FANCM: variants seen among roughly 807,000 people sequenced by gnomAD.
FANCM encodes the protein FA complementation group M.
FANCM carries 140 observed loss-of-function variants against 199.5 expected under a neutral mutation model. That is an observed-to-expected ratio of 0.70 (90% CI 0.61 to 0.81). The LOEUF (loss-of-function observed/expected upper bound fraction) is 0.81. Ranked by LOEUF, FANCM falls within the 30% of genes least tolerant of loss-of-function variation. The pLI is 0.00. For synonymous variants in FANCM, 840 were observed against 836.8 expected (o/e 1.00, Z -0.07); for missense variants, 2,410 against 2,421.4 (o/e 1.00, Z 0.10).
chr14:45,185,042 A>G (rs1347942323), intron 17 of FANCM, among the ~76,000 whole-genome samples, 175 bp from the exon 18 acceptor site: 3 of 151,736 alleles, frequency 2.0e-5, no homozygotes, highest in African/African-American at 7.3e-5. Context: ...TCGGCCTCCC[A>G]TAGTGCTGGG....
chr14:45,197,712 G>A (rs1890140313), intron 21 of FANCM, among the ~76,000 whole-genome samples: 1 of 151,248 alleles, frequency 6.6e-6, no homozygotes, highest in Admixed American at 6.6e-5. Context: ...TGATCTGCCT[G>A]CCTCAGCCTT....
At chr14:45,144,639 G>C (rs189220058) in intron 3 of FANCM, among the ~76,000 whole-genome samples, 11 of 152,316 alleles carry the variant, frequency 7.2e-5, no homozygotes, top group Admixed American at 1.3e-4. Context: ...CCCATGAGGT[G>C]TACTGCCAGT....
Position 45,189,349 on chromosome 14 carries a change from C to T in FANCM, c.5327C>T (p.Pro1776Leu), listed in dbSNP as rs1889622469. ...VDSQKDCRKF[P>L]VPQKDGSALE... ...TCACAGAAAGACTGTAGAAAATTTC[C>T]AGTTCCACAGAAGGTATGGATCAAA... Residue 1776 changes from proline (P) to leucine (L), a missense_variant, in exon 20 of 23, where the codon CCA becomes CTA. Physicochemically the swap from Pro to Leu is moderately conservative, Grantham distance 98. Coordinates refer to ENST00000267430, the MANE Select transcript of FANCM (RefSeq NM_020937.4). The T allele has an allele frequency of 1.2e-6, 2 of 1,610,548 alleles. No individual in the cohort carries two copies. The highest frequency in any genetic ancestry group is 1.7e-6 in the Non-Finnish European group (2 of 1,176,842).
At chr14:45,141,287 C>CAAAA (rs534567010) in intron 3 of FANCM, among the ~76,000 whole-genome samples, 31 of 43,846 alleles carry the variant, frequency 7.1e-4, no homozygotes, top group Non-Finnish European at 1.0e-3. Context: ...GGCTCCGTCT[C>CAAAA]AAAAAAAAAA....
intron 14 of FANCM, among the ~76,000 whole-genome samples, chr14:45,178,898 T>G (rs1174155957): frequency 6.6e-6 from 1 of 152,064 alleles, no homozygotes; most frequent in African/African-American, 2.4e-5. Context: ...TGTGAGGAGC[T>G]TCTTTAAAAA....
intron 12 of FANCM, among the ~76,000 whole-genome samples, chr14:45,170,975 A>T (rs1233034846): frequency 6.6e-6 from 1 of 152,164 alleles, no homozygotes; most frequent in Non-Finnish European, 1.5e-5. Flanking sequence ...GTATATATGT[A>T]TTTAACCAAC....
chr14:45,140,722 T>G lies in FANCM; in HGVS notation c.759+13T>G, dbSNP rs1885856502. 4.0e-6 allele frequency: 6 copies of G among 1,506,470 alleles called. No individual in the cohort carries two copies. The highest frequency in any genetic ancestry group is 5.5e-6 in the Non-Finnish European group (6 of 1,083,806). 93.3% of individuals were successfully genotyped at this position (1,506,470 alleles called of 1,614,324 possible). A position where few individuals can be genotyped will look rare whatever the true frequency, so the allele number is the denominator to read the frequency against. On this transcript the variant is annotated intron_variant, in intron 3 of 22. Transcript: ENST00000267430. The stretch of plus-strand genomic sequence containing the variant: ...TAGTGATATAAAGGTAAGTAAAATG[T>G]TTTTCCATTTATTACAGTTAAGAAA...
chr14:45,191,321 A>G (rs1053679305), intron 20 of FANCM, among the ~76,000 whole-genome samples: 42 of 152,156 alleles, frequency 2.8e-4, no homozygotes, highest in Non-Finnish European at 7.4e-5. Context: ...CACTAGTGAC[A>G]TTTGCGAGTG....
chr14:45,159,919 A>G, intron 9 of FANCM, among the ~76,000 whole-genome samples: 1 of 151,958 alleles, frequency 6.6e-6, no homozygotes, highest in Non-Finnish European at 1.5e-5. Flanking sequence ...GTGACTGACA[A>G]TTAGATATCT....
In FANCM at chr14:45,196,303, T is replaced by A. The variant is rs2139319516; in HGVS notation, c.5472T>A (p.Gly1824=). The change falls in exon 21 of 23, where the codon GGT becomes GGA. Residue 1824 remains glycine (G), a synonymous_variant. Coordinates refer to ENST00000267430, the MANE Select transcript of FANCM (RefSeq NM_020937.4). The stretch of plus-strand genomic sequence containing the variant: ...AAGGAACCTGTATTCTTGTAGGTGG[T>A]CATGAAATCACTTCTGGATTAGAAG... ...EGKGTCILVG[G]HEITSGLEVI... 1.2e-6 allele frequency: 2 copies of A among 1,614,138 alleles called. No homozygotes were observed. Among genetic ancestry groups the A allele is most frequent in the Non-Finnish European group, 1.7e-6 (2 of 1,180,000 alleles).
At chr14:45,144,490 G>T (rs930105784) in intron 3 of FANCM, among the ~76,000 whole-genome samples, 2 of 152,128 alleles carry the variant, frequency 1.3e-5, no homozygotes, top group African/African-American at 4.8e-5. Context: ...CCAGAAACTA[G>T]AGTCAGAAAC....
intron 3 of FANCM, among the ~76,000 whole-genome samples, chr14:45,145,124 T>A (rs1886269201): frequency 2.6e-5 from 4 of 151,792 alleles, no homozygotes. Flanking sequence ...CTAGAAAAGT[T>A]GTCAGGGAGC....
chr14:45,153,898 T>C (rs1172570119), intron 5 of FANCM, 22 bp from the exon 6 acceptor site: 6 of 1,604,156 alleles, frequency 3.7e-6, no homozygotes, highest in Non-Finnish European at 4.3e-6. Context: ...CTGGTTAAAT[T>C]TGACATATGC....
At chr14:45,191,585 A>G (rs1258111202) in intron 20 of FANCM, among the ~76,000 whole-genome samples, 1 of 151,776 alleles carries the variant, frequency 6.6e-6, no homozygotes. Context: ...ACTAAAAAAT[A>G]GATATAGGAT....
At chr14:45,189,403 CAGA>C in intron 20 of FANCM, 41 bp downstream of exon 20, 1 of 1,451,430 alleles carries the variant, frequency 6.9e-7, no homozygotes, top group Non-Finnish European at 9.7e-7. Context: ...AGATGGTTAC[CAGA>C]AGTTTTTCTT....
chr14:45,176,708 A>G lies in FANCM; in HGVS notation c.3954A>G (p.Glu1318=). The G allele has an allele frequency of 6.2e-7, 1 of 1,613,742 alleles. No homozygotes were observed. Among genetic ancestry groups the G allele is most frequent in the Non-Finnish European group, 8.5e-7 (1 of 1,179,816 alleles). ...TGCCACTGAGTGCAGCAAAAAATGAAGAATTGTTATCTCCTGGTTATTCTC... is the reference window on the plus strand; with the variant it reads ...TGCCACTGAGTGCAGCAAAAAATGAGGAATTGTTATCTCCTGGTTATTCTC... ...VHLPLSAAKN[E]ELLSPGYSQF... The change falls in exon 14 of 23, where the codon GAA becomes GAG. Residue 1318 remains glutamate (E), a synonymous_variant. Transcript: ENST00000267430.
intron 20 of FANCM, among the ~76,000 whole-genome samples, chr14:45,194,073 G>A (rs1042940460): frequency 9.9e-5 from 15 of 152,150 alleles, no homozygotes; most frequent in African/African-American, 3.4e-4. Context: ...AGGCCGAGGT[G>A]GGTGGATCAC....
intron 5 of FANCM, among the ~76,000 whole-genome samples, chr14:45,151,912 T>TAAAA (rs767251183): frequency 8.4e-6 from 1 of 118,432 alleles, no homozygotes; most frequent in African/African-American, 3.1e-5. Flanking sequence ...AGACCTGTCT[T>TAAAA]AAAAAAAAAA....
intron 3 of FANCM, among the ~76,000 whole-genome samples, chr14:45,147,588 A>C (rs1014993129): frequency 2.0e-5 from 3 of 152,004 alleles, no homozygotes; most frequent in African/African-American, 7.3e-5. Flanking sequence ...TGCCCGGCCT[A>C]AACCCACAAG....
Sources: allele counts gnomAD v4.1 joint callset (sites outside exome capture counted in the v4.1 genomes callset), GRCh38; gene constraint gnomAD v4.1.1; transcripts MANE v1.5; gene names NCBI Gene and HGNC (gene_info 2026-07-23, HGNC 2026-07-21).